GLI2: variants seen among roughly 807,000 people sequenced by gnomAD.
The protein encoded by GLI2 is transcription activator GLI2.
A neutral mutation model predicts 78.9 loss-of-function variants in GLI2; 22 were observed. The ratio of observed to expected loss-of-function variants is 0.28; its 90% confidence interval spans 0.20 to 0.40. The LOEUF (loss-of-function observed/expected upper bound fraction) is 0.40. GLI2 is among the 10% of genes least tolerant of loss of function. The pLI is 1.00. For synonymous variants in GLI2, 974 were observed against 963.7 expected (o/e 1.01, Z -0.20); for missense variants, 2,097 against 2,213.2 (o/e 0.95, Z 1.05).
chr2:120,775,988 G>A (rs1001624546), intron 1 of GLI2, among the ~76,000 whole-genome samples: 3 of 152,226 alleles, frequency 2.0e-5, no homozygotes, highest in African/African-American at 7.2e-5. Context: ...GGCACAAATC[G>A]CTTTCCTGGG....
chr2:120,815,381 C>T (rs1031728942), intron 2 of GLI2, among the ~76,000 whole-genome samples: 2 of 152,172 alleles, frequency 1.3e-5, no homozygotes, highest in African/African-American at 4.8e-5. Flanking sequence ...GGGCTGCAGA[C>T]GATTCTGCCC....
At chr2:120,879,883 C>T (rs1042955086) in intron 2 of GLI2, among the ~76,000 whole-genome samples, 6 of 152,234 alleles carry the variant, frequency 3.9e-5, no homozygotes, top group Admixed American at 1.3e-4. Flanking sequence ...TCATTTTCTC[C>T]AGCCTCTAGC....
At chr2:120,966,922 C>T (rs1558921724) in intron 5 of GLI2, among the ~76,000 whole-genome samples, 2 of 152,212 alleles carry the variant, frequency 1.3e-5, no homozygotes, top group Non-Finnish European at 2.9e-5. Context: ...ATCAGGAAAG[C>T]TTTGGGAGCA....
chr2:120,848,440 C>T (rs1331060052), intron 2 of GLI2, among the ~76,000 whole-genome samples: 2 of 152,164 alleles, frequency 1.3e-5, no homozygotes. Context: ...ACCGACTCGC[C>T]CCTGGGGTTG....
intron 2 of GLI2, among the ~76,000 whole-genome samples, chr2:120,809,347 G>A (rs1025626963): frequency 6.6e-6 from 1 of 152,236 alleles, no homozygotes; most frequent in South Asian, 2.1e-4. Context: ...ATGAGGAGGT[G>A]CCAGGGGCTG....
At chr2:120,898,898 G>C (rs576518015) in intron 2 of GLI2, among the ~76,000 whole-genome samples, 1 of 152,264 alleles carries the variant, frequency 6.6e-6, no homozygotes, top group South Asian at 2.1e-4. Flanking sequence ...CATGGCTGCT[G>C]GTGCTAAGAC....
At chr2:120,793,049 C>T (rs1025822224) in intron 1 of GLI2, among the ~76,000 whole-genome samples, 3 of 152,332 alleles carry the variant, frequency 2.0e-5, no homozygotes, top group Admixed American at 6.5e-5. Context: ...CCACCCCCTG[C>T]CTAGACTTGG....
At chr2:120,890,368 A>G (rs1486301781) in intron 2 of GLI2, among the ~76,000 whole-genome samples, 1 of 152,196 alleles carries the variant, frequency 6.6e-6, no homozygotes, top group Non-Finnish European at 1.5e-5. Context: ...ACTGTTTAGT[A>G]TCCTGACTGA....
chr2:120,882,301 C>G (rs1677191762), intron 2 of GLI2, among the ~76,000 whole-genome samples: 2 of 152,270 alleles, frequency 1.3e-5, no homozygotes, highest in Middle Eastern at 3.4e-3. Context: ...GGCAGCTCAC[C>G]ACAGGGAAGG....
At chr2:120,789,828 C>T (rs1031415540) in intron 1 of GLI2, among the ~76,000 whole-genome samples, 5 of 152,362 alleles carry the variant, frequency 3.3e-5, no homozygotes, top group Non-Finnish European at 7.3e-5. Flanking sequence ...AGCTGTGTGA[C>T]TTCGGGGAGC....
At chr2:120,881,554 T>G (rs1326649957) in intron 2 of GLI2, among the ~76,000 whole-genome samples, 2 of 57,880 alleles carry the variant, frequency 3.5e-5, no homozygotes, top group African/African-American at 6.9e-5. Context: ...GGAAAGACAG[T>G]GGTGGGGAGG....
intron 9 of GLI2, among the ~76,000 whole-genome samples, chr2:120,976,462 T>C (rs1397920760): frequency 6.6e-6 from 1 of 152,210 alleles, no homozygotes; most frequent in Non-Finnish European, 1.5e-5. Context: ...GATCTCAAAC[T>C]TAATTTTTCA....
At chr2:120,901,540 G>A (rs527462936) in intron 2 of GLI2, among the ~76,000 whole-genome samples, 2 of 152,322 alleles carry the variant, frequency 1.3e-5, no homozygotes, top group African/African-American at 4.8e-5. Flanking sequence ...CAGGCCACTG[G>A]GGAGCATGAA....
intron 13 of GLI2, 115 bp downstream of exon 13, chr2:120,986,729 C>G: frequency 1.2e-6 from 1 of 813,554 alleles, no homozygotes; most frequent in Non-Finnish European, 2.0e-6. Flanking sequence ...CAGGATCTTA[C>G]CAGCCCAGTA....
intron 12 of GLI2, among the ~76,000 whole-genome samples, chr2:120,984,985 C>T (rs1258225727): frequency 6.6e-6 from 1 of 152,202 alleles, no homozygotes; most frequent in Non-Finnish European, 1.5e-5. Context: ...CGCTGGGTGA[C>T]AGGGATGCCG....
chr2:120,842,691 C>G (rs1686944834), intron 2 of GLI2, among the ~76,000 whole-genome samples: 1 of 152,220 alleles, frequency 6.6e-6, no homozygotes, highest in African/African-American at 2.4e-5. Context: ...CTCTGAGCTT[C>G]CTAAGGGCTA....
chr2:120,821,866 A>G (rs1005697968), intron 2 of GLI2, among the ~76,000 whole-genome samples: 1 of 152,126 alleles, frequency 6.6e-6, no homozygotes, highest in Non-Finnish European at 1.5e-5. Flanking sequence ...GGGGTGGGTC[A>G]CACCGAGCCT....
chr2:120,942,195 G>A (rs1414894267), intron 3 of GLI2, among the ~76,000 whole-genome samples: 2 of 152,084 alleles, frequency 1.3e-5, no homozygotes, highest in African/African-American at 4.8e-5. Context: ...GCTGTAACAC[G>A]GTACCACGAA....
At chr2:120,808,755 G>C (rs1685079250) in intron 2 of GLI2, among the ~76,000 whole-genome samples, 1 of 152,128 alleles carries the variant, frequency 6.6e-6, no homozygotes, top group Admixed American at 6.5e-5. Context: ...TCTGTGAAAT[G>C]GGGGTGACAA....
Sources: gnomAD v4.1 joint callset for allele counts (sites outside exome capture counted in the v4.1 genomes callset) on GRCh38, gnomAD v4.1.1 for gene constraint, MANE v1.5 for transcripts, NCBI Gene and HGNC (gene_info 2026-07-23, HGNC 2026-07-21) for gene names.